The following TSHZ1 variants were observed in gnomAD, a reference collection of about 807,000 sequenced individuals.
The protein encoded by TSHZ1 is teashirt zinc finger homeobox 1.
In TSHZ1, 12 loss-of-function variants were observed where a neutral mutation model predicts 67.1. The ratio of observed to expected loss-of-function variants is 0.18; its 90% CI spans 0.11 to 0.29. The LOEUF (loss-of-function observed/expected upper bound fraction) is 0.29, where lower values mean the gene tolerates loss of function less well. Among genes scored for constraint, TSHZ1 ranks in the 10% least tolerant of loss-of-function variants. TSHZ1 has a pLI of 1.00. For synonymous variants in TSHZ1, 632 were observed against 622.4 expected, an observed-to-expected ratio of 1.02 and a Z score of -0.23; for missense variants, 1,305 against 1,413.9, an observed-to-expected ratio of 0.92 and a Z score of 1.23.
chr18:75,262,039 C>T (rs1478304534), intron 1 of TSHZ1, among the ~76,000 whole-genome samples: 3 of 152,064 alleles, frequency 2.0e-5, no homozygotes, highest in Non-Finnish European at 4.4e-5. Context: ...CTGCTGGTTT[C>T]GATGAGATGG....
Position 75,286,035 on chromosome 18 carries a change from CAGA to C in TSHZ1, c.629_631del (p.Gln210_Thr211delinsPro). The C allele has an allele frequency of 6.2e-7, 1 of 1,612,744 alleles. No homozygotes were observed. The highest frequency in any genetic ancestry group is 2.2e-5 in the East Asian group (1 of 44,848). On this transcript the variant is annotated inframe_deletion, in exon 2 of 2. Coordinates refer to ENST00000580243, the MANE Select transcript of TSHZ1 (RefSeq NM_001308210.2). The surrounding 1 kb of genome is among the most constrained non-coding windows in gnomAD (Gnocchi z 5.1). Reference sequence around the variant, plus strand: ...GGCTGCACTGGCCAAGACGCTGCAGCAGACGTCCTCGTATGGGCTGCTTCCTGA... The same window carrying C: ...GGCTGCACTGGCCAAGACGCTGCAGCCGTCCTCGTATGGGCTGCTTCCTGA...
intron 1 of TSHZ1, among the ~76,000 whole-genome samples, chr18:75,227,969 A>T (rs778414992): frequency 2.2e-4 from 33 of 152,226 alleles, no homozygotes; most frequent in Non-Finnish European, 3.4e-4. Flanking sequence ...ATTATTGAAG[A>T]TGGATGTATC....
intron 1 of TSHZ1, among the ~76,000 whole-genome samples, chr18:75,255,991 A>G (rs548824050): frequency 6.6e-6 from 1 of 152,356 alleles, no homozygotes; most frequent in South Asian, 2.1e-4. Context: ...AGCTATTTTC[A>G]TAGGGATATT....
At chr18:75,236,852 G>A (rs557187358) in intron 1 of TSHZ1, among the ~76,000 whole-genome samples, 1 of 152,270 alleles carries the variant, frequency 6.6e-6, no homozygotes, top group South Asian at 2.1e-4. Context: ...GTGCACACAG[G>A]TTGATGTCAT....
intron 1 of TSHZ1, chr18:75,283,244 G>A (rs2023708582): frequency 6.6e-6 from 1 of 152,296 alleles, no homozygotes; most frequent in Non-Finnish European, 1.5e-5. Flanking sequence ...GCACCTTGTA[G>A]CCCAAGCCAA....
rs915001533 is a variant in TSHZ1, at chr18:75,288,743, C to A, written c.*102C>A. 31 of 1,493,904 alleles carry A rather than the reference C, an allele frequency of 2.1e-5. 2 individuals are homozygous for A. The Admixed American group carries it at 4.4e-4, about 21-fold the overall frequency. 92.5% of individuals were successfully genotyped at this position (1,493,904 alleles called of 1,614,324 possible). A position where few individuals can be genotyped will look rare whatever the true frequency, so the allele number is the denominator to read the frequency against. On this transcript the variant is annotated 3_prime_UTR_variant, in exon 2 of 2. Transcript: ENST00000580243. The surrounding 1 kb of genome is among the most constrained non-coding windows in gnomAD (Gnocchi z 4.9). Reference sequence around the variant, plus strand: ...AAATCAGTCTTTCCTTTGTTGCTGGCCCGCCTCTCTGGACCTTGGTTTTCT... The same window carrying A: ...AAATCAGTCTTTCCTTTGTTGCTGGACCGCCTCTCTGGACCTTGGTTTTCT...
chr18:75,269,255 C>T (rs1201698022), intron 1 of TSHZ1, among the ~76,000 whole-genome samples: 2 of 152,208 alleles, frequency 1.3e-5, no homozygotes, highest in Admixed American at 6.5e-5. Context: ...TTACATGCAG[C>T]GTCTGCTCAT....
chr18:75,243,305 G>T (rs1380915317), intron 1 of TSHZ1, among the ~76,000 whole-genome samples: 2 of 152,208 alleles, frequency 1.3e-5, no homozygotes, highest in Non-Finnish European at 2.9e-5. Flanking sequence ...TTGAGTGTCT[G>T]TCGTATCTGA....
chr18:75,238,164 A>G (rs1025527355), intron 1 of TSHZ1, among the ~76,000 whole-genome samples: 2 of 152,156 alleles, frequency 1.3e-5, no homozygotes, highest in South Asian at 2.1e-4. Flanking sequence ...CCCACCGGTT[A>G]CTGCTGTATT....
intron 1 of TSHZ1, among the ~76,000 whole-genome samples, chr18:75,272,288 G>A (rs1479082580): frequency 6.6e-5 from 10 of 152,346 alleles, no homozygotes; most frequent in Non-Finnish European, 4.4e-5. Flanking sequence ...GGTCTCCTTT[G>A]CAGACCTTTA....
intron 1 of TSHZ1, among the ~76,000 whole-genome samples, chr18:75,253,945 G>A (rs2023334321): frequency 6.6e-6 from 1 of 152,168 alleles, no homozygotes; most frequent in Admixed American, 6.5e-5. Flanking sequence ...AAATCATATG[G>A]GTTTGTATTT....
intron 1 of TSHZ1, among the ~76,000 whole-genome samples, chr18:75,250,263 T>C (rs1394517168): frequency 6.6e-6 from 1 of 152,128 alleles, no homozygotes; most frequent in Non-Finnish European, 1.5e-5. Flanking sequence ...GGCTCTTCCC[T>C]GTCCCCAGTC....
intron 1 of TSHZ1, among the ~76,000 whole-genome samples, chr18:75,271,412 C>T (rs1390169807): frequency 6.6e-6 from 1 of 152,180 alleles, no homozygotes; most frequent in Non-Finnish European, 1.5e-5. Context: ...GAAACTTTAT[C>T]TCTCGCTTCA....
At chr18:75,233,801 C>T (rs947781484) in intron 1 of TSHZ1, among the ~76,000 whole-genome samples, 1 of 152,176 alleles carries the variant, frequency 6.6e-6, no homozygotes, top group Non-Finnish European at 1.5e-5. Flanking sequence ...CGAAGTCTAC[C>T]TTGCAGCACC....
rs2023679255 is a variant in TSHZ1, at chr18:75,281,120, G to A, written c.41-4328G>A. ...CAAAGGCTTGCACTCAGGGTTGTCG[G>A]GAGCACAGCGTCTGCTGGAAGGGAG... On this transcript the variant is annotated intron_variant, in intron 1 of 1. Transcript: ENST00000580243. The surrounding 1 kb of genome is among the most constrained non-coding windows in gnomAD (Gnocchi z 5.3). Among the ~76,000 whole-genome samples the A allele has an allele frequency of 6.6e-6, 1 of 152,196 alleles. No individual in the cohort carries two copies. The highest frequency in any genetic ancestry group is 1.5e-5 in the Non-Finnish European group (1 of 68,042).
In TSHZ1 at chr18:75,289,479, G is replaced by A. The variant is rs749994208; in HGVS notation, c.*838G>A. 1.2e-5 allele frequency: 2 copies of A among 166,792 alleles called. No individual in the cohort carries two copies. Among genetic ancestry groups the A allele is most frequent in the South Asian group, 2.1e-4 (1 of 4,812 alleles). The allele number at this position is 166,792 out of a possible 1,614,324, so 10.3% of individuals were successfully genotyped here. On this transcript the variant is annotated 3_prime_UTR_variant, in exon 2 of 2. Coordinates refer to ENST00000580243, the MANE Select transcript of TSHZ1 (RefSeq NM_001308210.2). ...TGGTACAAGCTGACCTTTCTATAGC[G>A]TGCTGCATTGGTAAATGAAAAAAAA...
Position 75,287,151 on chromosome 18 carries a change from G to A in TSHZ1, c.1744G>A (p.Ala582Thr). 1.2e-6 allele frequency: 2 copies of A among 1,613,998 alleles called. No individual in the cohort carries two copies. Among genetic ancestry groups the A allele is most frequent in the Non-Finnish European group, 1.7e-6 (2 of 1,179,976 alleles). ...GGGTGGCTACCCCAGCATCCATGCA[G>A]CCTACCAGCTCCCGGGCACCGTGAA... ...SWGGYPSIHAAYQLPGTVKPL... is the reference protein window; with the variant it reads ...SWGGYPSIHATYQLPGTVKPL... The change falls in exon 2 of 2, where the codon GCC (alanine) becomes ACC (threonine). Residue 582 changes from alanine (A) to threonine (T), a missense_variant. Coordinates refer to ENST00000580243, the MANE Select transcript of TSHZ1 (RefSeq NM_001308210.2). The surrounding 1 kb of genome is among the most constrained non-coding windows in gnomAD (Gnocchi z 5.0).
intron 1 of TSHZ1, among the ~76,000 whole-genome samples, chr18:75,233,552 G>A (rs1335117817): frequency 6.6e-6 from 1 of 152,194 alleles, no homozygotes; most frequent in Non-Finnish European, 1.5e-5. Flanking sequence ...AGATGTGTTG[G>A]GATGGTTTCT....
intron 1 of TSHZ1, among the ~76,000 whole-genome samples, chr18:75,262,794 G>T (rs557043046): frequency 2.9e-4 from 44 of 152,148 alleles, no homozygotes; most frequent in Admixed American, 7.8e-4. Flanking sequence ...ATTCAGGGAG[G>T]CTCCATTCTT....
Sources: gnomAD v4.1 joint callset for allele counts (sites outside exome capture counted in the v4.1 genomes callset) on GRCh38, gnomAD v4.1.1 for gene constraint, Gnocchi (gnomAD v3.1) non-coding constraint, MANE v1.5 for transcripts, NCBI Gene and HGNC (gene_info 2026-07-23, HGNC 2026-07-21) for gene names.